Variants in RGPD2 observed in about 807,000 individuals in gnomAD.
RGPD2 encodes the protein RANBP2-like and GRIP domain-containing protein 2.
A neutral mutation model predicts 36.0 loss-of-function variants in RGPD2; 2 were observed. That is an observed-to-expected ratio of 0.06 (90% CI 0.02 to 0.17). The LOEUF is 0.17. Ranked by LOEUF, RGPD2 falls within the 10% of genes least tolerant of loss-of-function variation. The pLI, the probability that RGPD2 is intolerant of heterozygous loss-of-function variation, is 1.00. For synonymous variants in RGPD2, 19 were observed against 163.8 expected, an observed-to-expected ratio of 0.12 and a Z score of 6.75; for missense variants, 40 against 464.3, an observed-to-expected ratio of 0.09 and a Z score of 8.40.
chr2:87,882,366 C>A, the RGPD2 span, among the ~76,000 whole-genome samples: 1 of 152,222 alleles, frequency 6.6e-6, no homozygotes, highest in Non-Finnish European at 1.5e-5. Flanking sequence ...ATCCTTTCTC[C>A]AATGTGGATT....
chr2:87,929,613 G>T, the RGPD2 span, among the ~76,000 whole-genome samples: 1 of 150,724 alleles, frequency 6.6e-6, no homozygotes, highest in African/African-American at 2.4e-5. Context: ...AATATGAATG[G>T]CTGTTTAACA....
chr2:87,972,772 G>A, the RGPD2 span: 4 of 1,611,562 alleles, frequency 2.5e-6, no homozygotes, highest in Non-Finnish European at 3.4e-6. Context: ...ACCTCTGTGA[G>A]AGTGGTCACT....
chr2:87,930,883 T>C, the RGPD2 span, among the ~76,000 whole-genome samples: 1 of 146,644 alleles, frequency 6.8e-6, no homozygotes, highest in Admixed American at 6.9e-5. Flanking sequence ...TAATATCCTC[T>C]GGTGGTTGTT....
At chr2:87,960,240 C>T in the RGPD2 span, among the ~76,000 whole-genome samples, 1 of 150,226 alleles carries the variant, frequency 6.7e-6, no homozygotes, top group East Asian at 2.0e-4. Flanking sequence ...CATTTTTCTA[C>T]AGATCTTCTC....
the RGPD2 span, among the ~76,000 whole-genome samples, chr2:87,845,888 T>C: frequency 1.3e-5 from 2 of 152,042 alleles, no homozygotes; most frequent in East Asian, 1.9e-4. Context: ...ATTATACTTA[T>C]TAGCATATTT....
the RGPD2 span, among the ~76,000 whole-genome samples, chr2:87,854,662 T>C: frequency 1.3e-5 from 2 of 152,230 alleles, no homozygotes; most frequent in African/African-American, 2.4e-5. Flanking sequence ...CTTCTTTCAC[T>C]TAACAATATG....
the RGPD2 span, among the ~76,000 whole-genome samples, chr2:87,883,873 GC>G: frequency 6.6e-6 from 1 of 151,524 alleles, no homozygotes; most frequent in East Asian, 1.9e-4. Flanking sequence ...TCCACTTTCA[GC>G]AACAGACAGA....
chr2:87,951,212 A>G, the RGPD2 span, among the ~76,000 whole-genome samples: 3 of 146,828 alleles, frequency 2.0e-5, no homozygotes. Flanking sequence ...TCCCAAACCT[A>G]GAATATAATT....
chr2:87,878,207 G>A, the RGPD2 span, among the ~76,000 whole-genome samples: 1 of 152,176 alleles, frequency 6.6e-6, no homozygotes, highest in Non-Finnish European at 1.5e-5. Flanking sequence ...CATATTTCAT[G>A]CGACTTTTTT....
the RGPD2 span, among the ~76,000 whole-genome samples, chr2:87,881,663 A>T: frequency 6.8e-6 from 1 of 147,730 alleles, no homozygotes; most frequent in Admixed American, 6.8e-5. Flanking sequence ...TTTTCCTTCA[A>T]CTTCCTGTCT....
chr2:87,897,102 T>C, the RGPD2 span, among the ~76,000 whole-genome samples: 3 of 152,214 alleles, frequency 2.0e-5, no homozygotes, highest in Non-Finnish European at 1.5e-5. Context: ...CTGGCTCCCT[T>C]ATAACTTACA....
At chr2:87,848,837 G>C in the RGPD2 span, among the ~76,000 whole-genome samples, 10 of 143,540 alleles carry the variant, frequency 7.0e-5, no homozygotes, top group South Asian at 5.0e-4. Context: ...GTTTAAAAAG[G>C]GTGGAAAATA....
At chr2:87,921,574 T>C in the RGPD2 span, among the ~76,000 whole-genome samples, 2 of 152,142 alleles carry the variant, frequency 1.3e-5, no homozygotes, top group African/African-American at 4.8e-5. Flanking sequence ...AAAAGACAGA[T>C]AGTAGAGTCA....
chr2:87,760,880 T>C (rs1485419719), intron 22 of RGPD2, among the ~76,000 whole-genome samples: 1 of 149,378 alleles, frequency 6.7e-6, no homozygotes, highest in Admixed American at 6.7e-5. Flanking sequence ...GCCTCCCAAA[T>C]TGCTGGCATT....
chr2:87,772,776 C>A (rs533115886), intron 21 of RGPD2, among the ~76,000 whole-genome samples: 1 of 147,684 alleles, frequency 6.8e-6, no homozygotes, highest in Non-Finnish European at 1.5e-5. Flanking sequence ...GACATTCTCA[C>A]GAGAAACAGA....
chr2:87,983,181 G>A, the RGPD2 span, among the ~76,000 whole-genome samples: 9 of 152,196 alleles, frequency 5.9e-5, no homozygotes, highest in South Asian at 4.2e-4. Flanking sequence ...TTAGCCAGGC[G>A]TGGAAGTGCA....
the RGPD2 span, among the ~76,000 whole-genome samples, chr2:87,889,012 T>TA: frequency 7.5e-6 from 1 of 133,496 alleles, no homozygotes; most frequent in Non-Finnish European, 1.6e-5. Context: ...GAGTTTCAGA[T>TA]AAAAAACCAA....
At chr2:87,985,508 T>G in the RGPD2 span, among the ~76,000 whole-genome samples, 1 of 151,906 alleles carries the variant, frequency 6.6e-6, no homozygotes, top group African/African-American at 2.4e-5. Flanking sequence ...CATATATGCT[T>G]TAACATTCTA....
chr2:87,824,179 G>A (rs1350088292), intron 1 of RGPD2, among the ~76,000 whole-genome samples: 4 of 149,074 alleles, frequency 2.7e-5, no homozygotes, highest in African/African-American at 1.0e-4. Flanking sequence ...CTGCCACCAC[G>A]CCCGGCTCAT....
Sources: allele counts gnomAD v4.1 joint callset (sites outside exome capture counted in the v4.1 genomes callset), GRCh38; gene constraint gnomAD v4.1.1; transcripts MANE v1.5; gene names NCBI Gene and HGNC (gene_info 2026-07-23, HGNC 2026-07-21).